Variants in RASSF8 observed in about 807,000 individuals in gnomAD.
RASSF8 encodes ras association domain-containing protein 8.
A neutral mutation model predicts 48.5 loss-of-function variants in RASSF8; 22 were observed. That is an observed-to-expected ratio of 0.45 (90% CI 0.32 to 0.65). The LOEUF (loss-of-function observed/expected upper bound fraction) is 0.65. RASSF8 is among the 30% of genes least tolerant of loss of function. The pLI is 0.03. For synonymous variants in RASSF8, 127 were observed against 171.5 expected (o/e 0.74, Z 2.03); for missense variants, 418 against 489.2 (o/e 0.85, Z 1.37).
intron 1 of RASSF8, among the ~76,000 whole-genome samples, chr12:25,984,159 C>T (rs1941812773): frequency 6.6e-6 from 1 of 151,152 alleles, no homozygotes; most frequent in African/African-American, 2.4e-5. Flanking sequence ...CTCTTGGACT[C>T]GAGCAATCCT....
downstream of RASSF8, among the ~76,000 whole-genome samples, chr12:26,073,781 A>C (rs1944042539): frequency 1.1e-5 from 1 of 89,688 alleles, no homozygotes; most frequent in Admixed American, 1.2e-4. Context: ...ACACACATAT[A>C]TATATACACA....
chr12:26,063,932 A>C (rs1395358763), intron 3 of RASSF8, among the ~76,000 whole-genome samples: 1 of 151,924 alleles, frequency 6.6e-6, no homozygotes, highest in African/African-American at 2.4e-5. Context: ...TCAGGTGGAG[A>C]TGGAGAGGAG....
chr12:26,048,165 C>G (rs1235554596), intron 2 of RASSF8, among the ~76,000 whole-genome samples: 8 of 152,186 alleles, frequency 5.3e-5, no homozygotes, highest in Non-Finnish European at 5.9e-5. Context: ...GCTGAGGCAG[C>G]ATAAAATTAA....
At chr12:25,967,562 G>T (rs546121940) in intron 1 of RASSF8, among the ~76,000 whole-genome samples, 1 of 152,122 alleles carries the variant, frequency 6.6e-6, no homozygotes, top group South Asian at 2.1e-4. Context: ...GGCTACACAG[G>T]TGTAGCCTTG....
chr12:26,004,502 A>G (rs1057424814), intron 2 of RASSF8, among the ~76,000 whole-genome samples: 1 of 152,206 alleles, frequency 6.6e-6, no homozygotes, highest in Non-Finnish European at 1.5e-5. Flanking sequence ...CTTAACTACT[A>G]ATAGCCTATT....
At chr12:26,043,843 CGTT>C (rs749995315) in intron 2 of RASSF8, among the ~76,000 whole-genome samples, 22 of 152,184 alleles carry the variant, frequency 1.4e-4, no homozygotes, top group Non-Finnish European at 2.9e-4. Context: ...TGATGCAGTC[CGTT>C]TATAGAGTCC....
At chr12:26,067,117 A>AT (rs746670325) in intron 4 of RASSF8, among the ~76,000 whole-genome samples, 1 of 152,246 alleles carries the variant, frequency 6.6e-6, no homozygotes, top group Non-Finnish European at 1.5e-5. Context: ...TTATAAGTTA[A>AT]TATGAAGTGG....
chr12:26,073,748 T>TAC (rs5797160), downstream of RASSF8, among the ~76,000 whole-genome samples: 54,510 of 134,370 alleles, frequency 0.41, 11,302 homozygotes, highest in Non-Finnish European at 0.45. Context: ...TCTCTCTCTA[T>TAC]ACACACACAC....
rs1428395722 is a variant in RASSF8 at position 25,959,132 on chromosome 12, C to T, written c.-219C>T. Reference sequence around the variant, plus strand: ...CCCTCTGGGCGGCCTGCGGGGGCGGCGCAGTTGCGAAACTGAGTAAGTATT... The same window carrying T: ...CCCTCTGGGCGGCCTGCGGGGGCGGTGCAGTTGCGAAACTGAGTAAGTATT... On this transcript the variant is annotated 5_prime_UTR_variant, in exon 1 of 6. Transcript: ENST00000689635. The T allele has an allele frequency of 1.3e-5, 2 of 151,474 alleles. No homozygotes were observed. The highest frequency in any genetic ancestry group is 2.9e-5 in the Non-Finnish European group (2 of 67,858). The allele number at this position is 151,474 out of a possible 1,614,324, so 9.4% of individuals were successfully genotyped here. A position where few individuals can be genotyped will look rare whatever the true frequency, so the allele number is the denominator to read the frequency against.
intron 2 of RASSF8, among the ~76,000 whole-genome samples, chr12:26,044,124 G>C (rs1163078671): frequency 6.6e-6 from 1 of 152,156 alleles, no homozygotes; most frequent in Admixed American, 6.5e-5. Context: ...TATCTAAATA[G>C]TCACTATTGC....
At chr12:25,981,840 A>T (rs182246363) in intron 1 of RASSF8, among the ~76,000 whole-genome samples, 1 of 152,204 alleles carries the variant, frequency 6.6e-6, no homozygotes, top group Non-Finnish European at 1.5e-5. Flanking sequence ...TCTGTATTAC[A>T]GCGTTCAAAG....
chr12:25,968,299 G>A (rs1032622896), intron 1 of RASSF8, among the ~76,000 whole-genome samples: 2 of 151,998 alleles, frequency 1.3e-5, no homozygotes, highest in African/African-American at 4.8e-5. Context: ...ATCTTGAAAC[G>A]TTGCTTCCTT....
At chr12:26,073,748 T>TACACACAC (rs5797160), downstream of RASSF8, among the ~76,000 whole-genome samples, 31 of 134,762 alleles carry the variant, frequency 2.3e-4, no homozygotes, top group East Asian at 1.1e-3. Flanking sequence ...TCTCTCTCTA[T>TACACACAC]ACACACACAC....
chr12:25,996,886 G>C (rs988905312), intron 2 of RASSF8, among the ~76,000 whole-genome samples: 3 of 152,228 alleles, frequency 2.0e-5, no homozygotes, highest in African/African-American at 7.2e-5. Context: ...TCCAGTTCTA[G>C]TCATGTTAAC....
At chr12:25,981,477 C>T (rs776449580) in intron 1 of RASSF8, among the ~76,000 whole-genome samples, 11 of 152,220 alleles carry the variant, frequency 7.2e-5, no homozygotes, top group East Asian at 1.9e-4. Context: ...AGACAAAGAA[C>T]GAATCTCCTG....
At chr12:25,999,649 C>T (rs1942209814) in intron 2 of RASSF8, among the ~76,000 whole-genome samples, 1 of 152,184 alleles carries the variant, frequency 6.6e-6, no homozygotes, top group African/African-American at 2.4e-5. Context: ...GATTACACCA[C>T]TGTGCTCCAC....
At chr12:26,056,404 C>T (rs1362958562) in intron 3 of RASSF8, among the ~76,000 whole-genome samples, 2 of 152,174 alleles carry the variant, frequency 1.3e-5, no homozygotes, top group African/African-American at 2.4e-5. Context: ...CATCTTAAGT[C>T]TTTCATTTAA....
At chr12:26,001,696 A>G (rs1942262499) in intron 2 of RASSF8, among the ~76,000 whole-genome samples, 1 of 152,118 alleles carries the variant, frequency 6.6e-6, no homozygotes, top group African/African-American at 2.4e-5. Flanking sequence ...AGGGGCTATA[A>G]CACACATAGA....
intron 2 of RASSF8, among the ~76,000 whole-genome samples, chr12:25,997,827 G>C (rs1490858598): frequency 6.6e-6 from 1 of 152,076 alleles, no homozygotes; most frequent in Non-Finnish European, 1.5e-5. Context: ...CATCCATTGT[G>C]ACCTAATTAT....
Sources: gnomAD v4.1 joint callset for allele counts (sites outside exome capture counted in the v4.1 genomes callset) on GRCh38, gnomAD v4.1.1 for gene constraint, MANE v1.5 for transcripts, NCBI Gene and HGNC (gene_info 2026-07-23, HGNC 2026-07-21) for gene names.